Variants in RGS7 observed in about 807,000 individuals in gnomAD.
RGS7 encodes regulator of G-protein signaling 7.
In RGS7, 27 loss-of-function variants were observed where a neutral mutation model predicts 81.1. That is an observed-to-expected ratio of 0.33 (90% CI 0.25 to 0.46). The LOEUF is 0.46. Ranked by LOEUF, RGS7 falls within the 20% of genes least tolerant of loss-of-function variation. The pLI, the probability that RGS7 is intolerant of heterozygous loss-of-function variation, is 1.00. For missense variants in RGS7, 396 were observed against 607.4 expected (o/e 0.65, Z 3.66); for synonymous variants, 208 against 207.7 (o/e 1.00, Z -0.01).
chr1:241,071,494 AGT>A (rs1174904214), intron 3 of RGS7, among the ~76,000 whole-genome samples: 4 of 36,598 alleles, frequency 1.1e-4, no homozygotes, highest in Admixed American at 5.8e-4. Flanking sequence ...CCTATGTTTA[AGT>A]GTTTTTTTTT....
chr1:241,062,157 T>C (rs569817213), intron 3 of RGS7, among the ~76,000 whole-genome samples: 13 of 152,338 alleles, frequency 8.5e-5, no homozygotes, highest in Non-Finnish European at 1.6e-4. Context: ...AAGGGCTTCC[T>C]TCTCATGAAA....
At chr1:241,314,444 T>G (rs2148573043) in intron 2 of RGS7, among the ~76,000 whole-genome samples, 1 of 152,294 alleles carries the variant, frequency 6.6e-6, no homozygotes, top group East Asian at 1.9e-4. Context: ...ATGTACCTTG[T>G]TTTTTTAGCC....
chr1:241,051,805 A>G (rs1385713341), intron 3 of RGS7, among the ~76,000 whole-genome samples: 1 of 152,216 alleles, frequency 6.6e-6, no homozygotes, highest in Non-Finnish European at 1.5e-5. Flanking sequence ...TAAGCACTTG[A>G]CATGTGTTAT....
intron 2 of RGS7, among the ~76,000 whole-genome samples, chr1:241,297,867 T>C (rs2079517669): frequency 6.6e-6 from 1 of 152,186 alleles, no homozygotes; most frequent in Admixed American, 6.5e-5. Context: ...TGCCTCAAAA[T>C]GGCAGCATGT....
chr1:241,025,270 G>C (rs1328600290), intron 3 of RGS7, among the ~76,000 whole-genome samples: 1 of 152,230 alleles, frequency 6.6e-6, no homozygotes, highest in African/African-American at 2.4e-5. Context: ...AACATCAGTA[G>C]AGGGGTAGTG....
chr1:241,233,817 T>A, intron 2 of RGS7, among the ~76,000 whole-genome samples: 1 of 142,344 alleles, frequency 7.0e-6, no homozygotes. Flanking sequence ...TTTTTTTTTT[T>A]AAGGAAACTC....
intron 10 of RGS7, among the ~76,000 whole-genome samples, chr1:240,826,461 T>C (rs1038299179): frequency 1.3e-5 from 2 of 152,186 alleles, no homozygotes; most frequent in African/African-American, 4.8e-5. Context: ...CTTTGTGGAA[T>C]GTATTAATCC....
At chr1:241,177,255 T>C (rs978032335) in intron 2 of RGS7, among the ~76,000 whole-genome samples, 10 of 152,126 alleles carry the variant, frequency 6.6e-5, no homozygotes, top group Non-Finnish European at 1.5e-4. Context: ...AGGTGATGTG[T>C]GAGCAGACAC....
intron 2 of RGS7, among the ~76,000 whole-genome samples, chr1:241,173,435 G>A (rs772863674): frequency 2.6e-5 from 4 of 152,196 alleles, no homozygotes; most frequent in Non-Finnish European, 5.9e-5. Context: ...TAGAAAGCAT[G>A]ATTGATTAGT....
intron 3 of RGS7, among the ~76,000 whole-genome samples, chr1:241,016,156 T>C (rs1313938093): frequency 6.6e-6 from 1 of 152,160 alleles, no homozygotes; most frequent in African/African-American, 2.4e-5. Flanking sequence ...AACATGGATG[T>C]GAAAAATTAT....
chr1:240,793,611 A>ATATATATATATATATTTTTT, intron 18 of RGS7, among the ~76,000 whole-genome samples: 21 of 78,782 alleles, frequency 2.7e-4, no homozygotes, highest in African/African-American at 9.7e-4. Flanking sequence ...ATATATATAT[A>ATATATATATATATATTTTTT]TTTTTTTTTT....
At chr1:240,978,280 A>T (rs1684438141) in intron 4 of RGS7, among the ~76,000 whole-genome samples, 1 of 152,226 alleles carries the variant, frequency 6.6e-6, no homozygotes, top group Admixed American at 6.5e-5. Flanking sequence ...TATTTCTAAG[A>T]CATGCAATGG....
chr1:241,148,339 C>T (rs1422484685), intron 2 of RGS7, among the ~76,000 whole-genome samples: 1 of 152,138 alleles, frequency 6.6e-6, no homozygotes, highest in East Asian at 1.9e-4. Flanking sequence ...GCATGAGCCA[C>T]CATGACTGGC....
At chr1:240,801,400 T>C (rs541460581) in intron 17 of RGS7, 55 bp downstream of exon 17, 3 of 1,217,892 alleles carry the variant, frequency 2.5e-6, no homozygotes, top group Non-Finnish European at 3.6e-6. Context: ...ATAGGGAAAT[T>C]GGAAAAATTT....
intron 3 of RGS7, among the ~76,000 whole-genome samples, chr1:240,984,221 T>C (rs994734): frequency 0.37 from 55,712 of 151,948 alleles, 11,862 homozygotes; most frequent in East Asian, 0.62. Context: ...ATGCAATATT[T>C]TTGAGCAGAA....
chr1:241,247,573 T>TAG (rs2076608511), intron 2 of RGS7, among the ~76,000 whole-genome samples: 2 of 152,142 alleles, frequency 1.3e-5, no homozygotes, highest in Middle Eastern at 6.8e-3. Flanking sequence ...GGTCAAAGGG[T>TAG]AGTAAGGCTT....
chr1:240,793,599 A>ATTTT (rs1686400201), intron 18 of RGS7, among the ~76,000 whole-genome samples: 1 of 100,946 alleles, frequency 9.9e-6, no homozygotes, highest in African/African-American at 6.5e-5. Context: ...ATATATATAT[A>ATTTT]TATATATATA....
chr1:240,784,601 G>T (rs1474740726), intron 18 of RGS7, among the ~76,000 whole-genome samples: 4 of 151,128 alleles, frequency 2.6e-5, no homozygotes, highest in African/African-American at 9.7e-5. Flanking sequence ...AACCAAGATT[G>T]CTCCACTGCG....
chr1:241,346,678 G>A (rs959132583), intron 2 of RGS7, among the ~76,000 whole-genome samples: 2 of 152,300 alleles, frequency 1.3e-5, no homozygotes, highest in African/African-American at 2.4e-5. Flanking sequence ...CTCAGTCTGC[G>A]TAAGTTGCCT....
Sources: allele counts gnomAD v4.1 joint callset (sites outside exome capture counted in the v4.1 genomes callset), GRCh38; gene constraint gnomAD v4.1.1; transcripts MANE v1.5; gene names NCBI Gene and HGNC (gene_info 2026-07-23, HGNC 2026-07-21).